Variants in HOMER2 observed in about 807,000 individuals in gnomAD.
The protein encoded by HOMER2 is homer scaffold protein 2.
In HOMER2, 27 loss-of-function variants were observed where a neutral mutation model predicts 47.0. That is an observed-to-expected ratio of 0.57 (90% CI 0.42 to 0.79). The LOEUF is 0.79. Among genes scored for constraint, HOMER2 ranks in the 30% least tolerant of loss-of-function variants. The pLI is 0.00. For missense variants in HOMER2, 443 were observed against 435.0 expected, an observed-to-expected ratio of 1.02 and a Z score of -0.16; for synonymous variants, 161 against 163.8, an observed-to-expected ratio of 0.98 and a Z score of 0.13.
chr15:82,920,385 T>C (rs1165157304), intron 1 of HOMER2, among the ~76,000 whole-genome samples: 3 of 152,170 alleles, frequency 2.0e-5, no homozygotes, highest in Non-Finnish European at 4.4e-5. Context: ...AGGAATTTAT[T>C]TTCTCACAGC....
intron 1 of HOMER2, among the ~76,000 whole-genome samples, chr15:82,969,933 C>T (rs1207646764): frequency 6.6e-6 from 1 of 152,144 alleles, no homozygotes; most frequent in Non-Finnish European, 1.5e-5. Context: ...CTGCCACACC[C>T]ATGGAATAAA....
chr15:82,897,524 G>C (rs2052974553), intron 1 of HOMER2, among the ~76,000 whole-genome samples: 1 of 152,154 alleles, frequency 6.6e-6, no homozygotes, highest in Non-Finnish European at 1.5e-5. Flanking sequence ...CCCTCCTCTT[G>C]AGTGTGGGTG....
At chr15:82,837,100 G>A in exon 2 of HOMER2, 1 of 152,454 alleles carries the variant, frequency 6.6e-6, no homozygotes, top group Non-Finnish European at 1.5e-5. Context: ...TCTAGAGGTT[G>A]CCCCTGTTCC....
chr15:82,949,046 T>G (rs1347805734), intron 1 of HOMER2, among the ~76,000 whole-genome samples: 2 of 152,110 alleles, frequency 1.3e-5, no homozygotes, highest in African/African-American at 4.8e-5. Flanking sequence ...GACAAACTGA[T>G]AGCCTGCATG....
chr15:82,857,323 T>C (rs2051618591), intron 5 of HOMER2, among the ~76,000 whole-genome samples: 1 of 151,308 alleles, frequency 6.6e-6, no homozygotes, highest in Admixed American at 6.6e-5. Flanking sequence ...CTTTCTAGCC[T>C]CCAGAACTGT....
chr15:82,868,537 A>ATATATATATATATATATATATATATATG (rs1408672217), intron 3 of HOMER2, among the ~76,000 whole-genome samples: 1 of 60,860 alleles, frequency 1.6e-5, no homozygotes, highest in African/African-American at 6.0e-5. Flanking sequence ...ATATATATAT[A>ATATATATATATATATATATATATATATG]TATATTTTTT....
At chr15:82,907,577 G>C (rs927821590) in intron 1 of HOMER2, among the ~76,000 whole-genome samples, 7 of 152,126 alleles carry the variant, frequency 4.6e-5, no homozygotes, top group Admixed American at 1.3e-4. Flanking sequence ...CAGATTCAAA[G>C]AAGCAGAAAA....
intron 1 of HOMER2, among the ~76,000 whole-genome samples, chr15:82,969,618 GAACT>G (rs575910356): frequency 1.4e-4 from 21 of 152,106 alleles, no homozygotes; most frequent in Admixed American, 2.0e-4. Flanking sequence ...AGAGATCCAG[GAACT>G]AAAGCTACAA....
chr15:82,976,966 G>A (rs1479359285), intron 1 of HOMER2, among the ~76,000 whole-genome samples: 2 of 151,676 alleles, frequency 1.3e-5, no homozygotes, highest in Admixed American at 6.6e-5. Flanking sequence ...GTGAGCTACC[G>A]TGCCCAGCTG....
At chr15:82,876,750 T>G (rs981518817) in intron 2 of HOMER2, among the ~76,000 whole-genome samples, 1 of 152,228 alleles carries the variant, frequency 6.6e-6, no homozygotes, top group Admixed American at 6.5e-5. Flanking sequence ...TTGTAACTGA[T>G]AAAACAGAGA....
chr15:82,895,071 T>G (rs1024856750), intron 1 of HOMER2, among the ~76,000 whole-genome samples: 1 of 152,224 alleles, frequency 6.6e-6, no homozygotes, highest in African/African-American at 2.4e-5. Flanking sequence ...CAATCTTCTT[T>G]ATGCCTGTTT....
intron 5 of HOMER2, among the ~76,000 whole-genome samples, chr15:82,857,350 T>C (rs2051619455): frequency 6.6e-6 from 1 of 151,984 alleles, no homozygotes; most frequent in Non-Finnish European, 1.5e-5. Flanking sequence ...TAAAGGTTTG[T>C]TGTTTAAGCC....
intron 4 of HOMER2, among the ~76,000 whole-genome samples, chr15:82,860,160 C>T (rs1027793838): frequency 1.3e-5 from 2 of 151,906 alleles, no homozygotes; most frequent in Non-Finnish European, 1.5e-5. Flanking sequence ...AGGCAGGACC[C>T]GGGAGGCGGA....
intron 2 of HOMER2, among the ~76,000 whole-genome samples, chr15:82,889,841 T>C (rs957754271): frequency 2.0e-5 from 3 of 152,146 alleles, no homozygotes; most frequent in East Asian, 1.9e-4. Flanking sequence ...TGAATGTGCA[T>C]TGGGACCACT....
intron 1 of HOMER2, among the ~76,000 whole-genome samples, chr15:82,945,458 G>A (rs987864036): frequency 2.0e-5 from 3 of 152,164 alleles, no homozygotes; most frequent in Non-Finnish European, 4.4e-5. Context: ...CTTGCTCTAT[G>A]TAGACATACA....
chr15:82,954,913 G>C (rs561695286), upstream of HOMER2, among the ~76,000 whole-genome samples: 171 of 151,790 alleles, frequency 1.1e-3, 4 homozygotes, highest in South Asian at 0.031. Context: ...CAAGTAGCTG[G>C]GACTACAGGC....
In HOMER2 at chr15:82,892,818, C is replaced by G; in HGVS notation, c.29G>C (p.Arg10Pro). 1 of 1,597,740 alleles carries G rather than the reference C, an allele frequency of 6.3e-7. No individual in the cohort carries two copies. The highest frequency in any genetic ancestry group is 8.6e-7 in the Non-Finnish European group (1 of 1,168,816). MGEQPIFTT[R>P]AHVFQIDPNT... ...GGGGTCAATCTGGAAGACATGCGCTCGGGTGGTGAAGATGGGCTGTTCTCT... is the reference window on the plus strand; with the variant it reads ...GGGGTCAATCTGGAAGACATGCGCTGGGGTGGTGAAGATGGGCTGTTCTCT... Residue 10 changes from arginine (R) to proline (P), a missense_variant, in exon 2 of 9, where the codon CGA (arginine) becomes CCA (proline). Arg to Pro is a moderately radical substitution (Grantham distance 103). Transcript: ENST00000450735.
intron 5 of HOMER2, among the ~76,000 whole-genome samples, chr15:82,856,213 C>T (rs1336334812): frequency 1.3e-5 from 2 of 152,146 alleles, no homozygotes; most frequent in African/African-American, 4.8e-5. Flanking sequence ...AGCTTCCTGC[C>T]CATTCTTGTA....
intron 1 of HOMER2, among the ~76,000 whole-genome samples, chr15:82,976,053 C>T (rs1337797305): frequency 2.6e-5 from 4 of 152,150 alleles, no homozygotes; most frequent in African/African-American, 9.7e-5. Context: ...GGTCAGTCTG[C>T]ATCCTCTGCA....
Sources: gnomAD v4.1 joint callset for allele counts (sites outside exome capture counted in the v4.1 genomes callset) on GRCh38, gnomAD v4.1.1 for gene constraint, MANE v1.5 for transcripts, NCBI Gene and HGNC (gene_info 2026-07-23, HGNC 2026-07-21) for gene names.